Variants in KCNH1 observed in about 807,000 individuals in gnomAD.
KCNH1 encodes potassium voltage-gated channel subfamily H member 1.
Under a neutral mutation model 69.2 loss-of-function variants are expected in KCNH1, and 27 were observed. The ratio of observed to expected loss-of-function variants is 0.39; its 90% confidence interval spans 0.29 to 0.54. The LOEUF is 0.54. Among genes scored for constraint, KCNH1 ranks in the 20% least tolerant of loss-of-function variants. The probability of loss-of-function intolerance (pLI) is 0.68; values close to 1 mark genes in which losing one functional copy is unlikely to be tolerated. For missense variants in KCNH1, 798 were observed against 1,261.6 expected, an observed-to-expected ratio of 0.63 and a Z score of 5.57; for synonymous variants, 456 against 487.7, an observed-to-expected ratio of 0.93 and a Z score of 0.86.
At chr1:211,123,240 T>G (rs182154317) in intron 1 of KCNH1, among the ~76,000 whole-genome samples, 5 of 152,272 alleles carry the variant, frequency 3.3e-5, no homozygotes, top group Admixed American at 1.3e-4. Context: ...AGTGGACCGC[T>G]GGCCAAACAA....
intron 1 of KCNH1, among the ~76,000 whole-genome samples, chr1:211,130,513 C>T (rs1170800992): frequency 6.6e-6 from 1 of 152,184 alleles, no homozygotes; most frequent in Non-Finnish European, 1.5e-5. Flanking sequence ...TTGTTTACCA[C>T]TGTATCCTCA....
rs149701206 is a variant in KCNH1 at position 211,051,252 on chromosome 1, C to A, written c.558+31528G>T. On this transcript the variant is annotated intron_variant, in intron 5 of 10. Transcript: ENST00000271751. ...ATCTCAGGTGATCTGCCCACCTCGG[C>A]CTCCCAAAGTTCTGTGATTACAGGC... 6.4e-3 allele frequency among the ~76,000 whole-genome samples: 978 copies of A among 152,248 alleles called. 6 individuals carry two copies. Among genetic ancestry groups the A allele is most frequent in the African/African-American group, 0.021 (888 of 41,556 alleles).
At chr1:211,043,483 A>G (rs1248298897) in intron 5 of KCNH1, among the ~76,000 whole-genome samples, 2 of 152,154 alleles carry the variant, frequency 1.3e-5, no homozygotes, top group Non-Finnish European at 2.9e-5. Flanking sequence ...AACAAAAAAA[A>G]ATTCAGGACC....
rs992633866 is a variant in KCNH1 at position 210,957,894 on chromosome 1, G to A, written c.1033-37825C>T. On this transcript the variant is annotated intron_variant, in intron 6 of 10. Transcript: ENST00000271751. Reference sequence around the variant, plus strand: ...TTTGCCAGTCTGTGTCTTTTAATTGGGGCATTTAGCCCATTTACATTTAAG... The same window carrying A: ...TTTGCCAGTCTGTGTCTTTTAATTGAGGCATTTAGCCCATTTACATTTAAG... Among the ~76,000 whole-genome samples the A allele has an allele frequency of 6.6e-5, 10 of 152,008 alleles. No homozygotes were observed. The East Asian group carries it at 1.4e-3, about 21-fold the overall frequency.
chr1:210,780,403 C>G (rs751213902), intron 9 of KCNH1, among the ~76,000 whole-genome samples: 19 of 152,144 alleles, frequency 1.2e-4, no homozygotes, highest in Non-Finnish European at 1.9e-4. Context: ...CTGTTGAGAT[C>G]ATTATTTCTA....
intron 10 of KCNH1, among the ~76,000 whole-genome samples, chr1:210,737,904 A>G (rs984415913): frequency 1.3e-5 from 2 of 152,206 alleles, no homozygotes; most frequent in African/African-American, 2.4e-5. Flanking sequence ...CTCTGTTCTC[A>G]ACATAGTTAC....
In KCNH1 at chr1:210,683,327, C is replaced by G; in HGVS notation, c.2924G>C (p.Arg975Thr). 1 of 1,614,068 alleles carries G rather than the reference C, an allele frequency of 6.2e-7. No individual in the cohort carries two copies. ...QSPQELFEIS[R>T]PQSPESERDI... ...TCTCTCTGATTCTGGGGACTGTGGCCTCGATATTTCAAACAACTCCTGAGG... is the reference window on the plus strand; with the variant it reads ...TCTCTCTGATTCTGGGGACTGTGGCGTCGATATTTCAAACAACTCCTGAGG... Residue 975 changes from arginine (R) to threonine (T), a missense_variant, in exon 11 of 11, where the codon AGG becomes ACG. Coordinates refer to ENST00000271751, the MANE Select transcript of KCNH1 (RefSeq NM_172362.3). This position sits in a 1 kb window ranked among gnomAD's most constrained non-coding sequence, Gnocchi z 5.7.
intron 6 of KCNH1, among the ~76,000 whole-genome samples, chr1:210,999,943 G>A (rs1029949322): frequency 2.0e-5 from 3 of 152,110 alleles, no homozygotes; most frequent in South Asian, 4.1e-4. Flanking sequence ...ATGCAGAAAA[G>A]ACCTTTGACA....
chr1:210,683,228 G>C lies in KCNH1; in HGVS notation c.*53C>G. ...GTGGACATATGTGGTAGGGGTGGTG[G>C]TGACGGCAGGGTTGGAGGTATCTGT... On this transcript the variant is annotated 3_prime_UTR_variant, in exon 11 of 11. Coordinates refer to ENST00000271751, the MANE Select transcript of KCNH1 (RefSeq NM_172362.3). This position sits in a 1 kb window ranked among gnomAD's most constrained non-coding sequence, Gnocchi z 5.7. 2.6e-6 allele frequency: 4 copies of C among 1,540,472 alleles called. No homozygotes were observed. Among genetic ancestry groups the C allele is most frequent in the Non-Finnish European group, 3.5e-6 (4 of 1,137,840 alleles).
At chr1:210,959,657 C>G (rs1419541276) in intron 6 of KCNH1, among the ~76,000 whole-genome samples, 1 of 152,230 alleles carries the variant, frequency 6.6e-6, no homozygotes, top group African/African-American at 2.4e-5. Flanking sequence ...ACAGGTCAAT[C>G]TCAGACTGCT....
At chr1:210,868,645 A>C (rs1416058934) in intron 7 of KCNH1, among the ~76,000 whole-genome samples, 2 of 152,002 alleles carry the variant, frequency 1.3e-5, no homozygotes, top group Non-Finnish European at 1.5e-5. Flanking sequence ...TCCCCACTAA[A>C]ATATCTTCTT....
chr1:210,831,916 C>G (rs551196342), intron 7 of KCNH1, among the ~76,000 whole-genome samples: 1 of 152,154 alleles, frequency 6.6e-6, no homozygotes, highest in African/African-American at 2.4e-5. Context: ...TAACCACTAG[C>G]AACACATGGC....
chr1:210,859,335 A>G, intron 7 of KCNH1: 2 of 1,528,222 alleles, frequency 1.3e-6, no homozygotes, highest in Non-Finnish European at 9.1e-7. Context: ...TTTGTTCTTC[A>G]TTAAGACCAT....
chr1:211,028,036 G>GT (rs992475338), intron 5 of KCNH1, among the ~76,000 whole-genome samples: 1 of 152,030 alleles, frequency 6.6e-6, no homozygotes, highest in African/African-American at 2.4e-5. Flanking sequence ...GCAAAACACA[G>GT]TTTTTACAAG....
intron 5 of KCNH1, among the ~76,000 whole-genome samples, chr1:211,070,458 CAA>C (rs1491107059): frequency 5.8e-5 from 8 of 138,980 alleles, no homozygotes; most frequent in East Asian, 2.1e-4. Flanking sequence ...CACACACACA[CAA>C]ACAAACAAAT....
rs181151993 is a variant in KCNH1, at chr1:210,896,966, G to A, written c.1462+22674C>T. Among the ~76,000 whole-genome samples, 4 of 152,292 alleles carry A rather than the reference G, an allele frequency of 2.6e-5. No individual in the cohort carries two copies. The East Asian group carries it at 7.7e-4, about 29-fold the overall frequency. On this transcript the variant is annotated intron_variant, in intron 7 of 10. Coordinates refer to ENST00000271751, the MANE Select transcript of KCNH1 (RefSeq NM_172362.3). Reference sequence around the variant, plus strand: ...ATCCCTACAGCATTTCTAAACAAGTGTATTTTGGTCTTGGCAGACATATCC... The same window carrying A: ...ATCCCTACAGCATTTCTAAACAAGTATATTTTGGTCTTGGCAGACATATCC...
intron 6 of KCNH1, among the ~76,000 whole-genome samples, chr1:210,934,106 C>T (rs563121890): frequency 6.6e-6 from 1 of 152,254 alleles, no homozygotes; most frequent in South Asian, 2.1e-4. Flanking sequence ...AGGGAAAATG[C>T]TTCAGGACAT....
At chr1:210,945,095 T>A (rs1048653537) in intron 6 of KCNH1, among the ~76,000 whole-genome samples, 4 of 152,362 alleles carry the variant, frequency 2.6e-5, no homozygotes, top group African/African-American at 9.6e-5. Context: ...AGAATTTCAT[T>A]ACTTTTTATG....
At chr1:211,031,891 G>A (rs1689792394) in intron 5 of KCNH1, among the ~76,000 whole-genome samples, 1 of 152,102 alleles carries the variant, frequency 6.6e-6, no homozygotes, top group African/African-American at 2.4e-5. Flanking sequence ...ATTCAACATA[G>A]TGTTGGAAGT....
Sources: gnomAD v4.1 joint callset for allele counts (sites outside exome capture counted in the v4.1 genomes callset) on GRCh38, gnomAD v4.1.1 for gene constraint, Gnocchi (gnomAD v3.1) non-coding constraint, MANE v1.5 for transcripts, NCBI Gene and HGNC (gene_info 2026-07-23, HGNC 2026-07-21) for gene names.